The following PDE4C variants were observed in gnomAD, a reference collection of about 807,000 sequenced individuals.
PDE4C encodes the protein 3',5'-cyclic-AMP phosphodiesterase 4C.
A neutral mutation model predicts 63.9 loss-of-function variants in PDE4C; 50 were observed. That is an observed-to-expected ratio of 0.78 (90% CI 0.62 to 0.99). The LOEUF (loss-of-function observed/expected upper bound fraction) is 0.99, where lower values mean the gene tolerates loss of function less well. PDE4C is among the 50% of genes least tolerant of loss of function. PDE4C has a pLI of 0.00. For synonymous variants in PDE4C, 377 were observed against 385.1 expected (o/e 0.98, Z 0.25); for missense variants, 777 against 899.1 (o/e 0.86, Z 1.74).
At chr19:18,243,327 C>T (rs1430159141) in intron 1 of PDE4C, among the ~76,000 whole-genome samples, 2 of 151,960 alleles carry the variant, frequency 1.3e-5, no homozygotes, top group African/African-American at 2.4e-5. Context: ...AGGCTGGTCT[C>T]GAACTCCTGA....
At chr19:18,222,392 G>C (rs1968523832) in intron 1 of PDE4C, 69 bp from the exon 2 acceptor site, 2 of 1,406,940 alleles carry the variant, frequency 1.4e-6, no homozygotes, top group African/African-American at 1.4e-5. Context: ...TGGCCACCTT[G>C]TCTGGTGCGT....
At chr19:18,237,979 A>G (rs1379909530), upstream of PDE4C, among the ~76,000 whole-genome samples, 2 of 152,098 alleles carry the variant, frequency 1.3e-5, no homozygotes, top group African/African-American at 4.8e-5. Flanking sequence ...GCTCATGCCC[A>G]TAATCCCAAC....
chr19:18,219,321 T>G, exon 8 of PDE4C: 2 of 1,614,146 alleles, frequency 1.2e-6, no homozygotes, highest in Non-Finnish European at 1.7e-6. Context: ...AGAGCCCATG[T>G]AGGCCACTGA....
upstream of PDE4C, among the ~76,000 whole-genome samples, chr19:18,238,136 G>A (rs1254224857): frequency 1.3e-5 from 2 of 151,810 alleles, no homozygotes; most frequent in Non-Finnish European, 2.9e-5. Flanking sequence ...GAGGTGGGAG[G>A]ACTGCTTCAG....
upstream of PDE4C, chr19:18,252,219 G>A (rs1969238803): frequency 7.5e-6 from 3 of 399,022 alleles, no homozygotes; most frequent in Non-Finnish European, 1.3e-5. Flanking sequence ...GCCAGAACTA[G>A]GGTGCGTGAT....
intron 12 of PDE4C, 75 bp downstream of exon 12, chr19:18,216,666 C>T: frequency 7.0e-7 from 1 of 1,431,728 alleles, no homozygotes; most frequent in East Asian, 2.4e-5. Flanking sequence ...TATCACCCCA[C>T]CCTGCTGTCT....
the PDE4C span, chr19:18,255,234 T>C: frequency 2.0e-5 from 8 of 398,562 alleles, no homozygotes; most frequent in East Asian, 2.9e-4. This position sits in a 1 kb window ranked among gnomAD's most constrained non-coding sequence, Gnocchi z 4.6. Flanking sequence ...AAAGGGAGTA[T>C]TGTAATTCAC....
exon 10 of PDE4C, chr19:18,218,412 A>G (rs199883433): frequency 7.4e-6 from 12 of 1,614,230 alleles, no homozygotes; most frequent in Middle Eastern, 1.6e-4. Flanking sequence ...GGTAGGCCAC[A>G]TTGGCGTGGT....
intron 1 of PDE4C, among the ~76,000 whole-genome samples, chr19:18,244,166 T>C (rs1969089954): frequency 6.6e-6 from 1 of 152,090 alleles, no homozygotes; most frequent in Non-Finnish European, 1.5e-5. Context: ...CTGCTGCACC[T>C]GGCCCTGCTA....
chr19:18,224,652 G>C (rs1429010898), intron 1 of PDE4C, among the ~76,000 whole-genome samples: 1 of 152,246 alleles, frequency 6.6e-6, no homozygotes, highest in Non-Finnish European at 1.5e-5. Flanking sequence ...GGCCGGGTCG[G>C]GCATGTTCGG....
intron 1 of PDE4C, among the ~76,000 whole-genome samples, chr19:18,223,390 A>C (rs1968576641): frequency 6.6e-6 from 1 of 151,926 alleles, no homozygotes; most frequent in Non-Finnish European, 1.5e-5. Flanking sequence ...TTGTATTTTT[A>C]GTAGAGACGG....
At chr19:18,233,619 C>A (rs917939042) in exon 1 of PDE4C, 1 of 439,636 alleles carries the variant, frequency 2.3e-6, no homozygotes, top group Non-Finnish European at 4.5e-6. Context: ...AGGAGACCCC[C>A]GGGGCCGAGA....
chr19:18,221,362 T>A (rs1298096603), intron 2 of PDE4C, 65 bp from the exon 3 acceptor site: 2 of 1,468,714 alleles, frequency 1.4e-6, no homozygotes, highest in East Asian at 2.5e-5. Flanking sequence ...CCACACCATA[T>A]GCCCTCAACT....
rs949542111 is a variant in PDE4C at position 18,239,883 on chromosome 19, G to A, written c.-209-6483C>T. Among the ~76,000 whole-genome samples the A allele has an allele frequency of 4.6e-5, 7 of 152,004 alleles. No homozygotes were observed. The East Asian group carries it at 5.9e-4, about 13-fold the overall frequency. On this transcript the variant is annotated intron_variant, in intron 1 of 15. Transcript: ENST00000594617. ...TCTACTAAAAATACAAAAATTAGCCGAGCATGGCGCTTTGCACCTGTAATC... is the reference window on the plus strand; with the variant it reads ...TCTACTAAAAATACAAAAATTAGCCAAGCATGGCGCTTTGCACCTGTAATC...
exon 14 of PDE4C, chr19:18,211,856 A>G: frequency 6.2e-7 from 1 of 1,614,246 alleles, no homozygotes; most frequent in Non-Finnish European, 8.5e-7. Flanking sequence ...GAACTCGGCC[A>G]TGATGCGGTC....
upstream of PDE4C, among the ~76,000 whole-genome samples, chr19:18,229,853 C>T (rs1357768389): frequency 1.3e-5 from 2 of 152,122 alleles, no homozygotes; most frequent in Non-Finnish European, 2.9e-5. Context: ...TCTGAATTCA[C>T]ACCTCCCAGA....
exon 2 of PDE4C, chr19:18,222,279 T>G (rs1968518406): frequency 2.1e-5 from 34 of 1,613,102 alleles, no homozygotes; most frequent in Non-Finnish European, 2.9e-5. Flanking sequence ...GGACTGAGGG[T>G]CCAGGGCCCT....
chr19:18,220,889 G>C lies in PDE4C; in HGVS notation c.484C>G (p.Gln162Glu), dbSNP rs764870579. Reference sequence around the variant, plus strand: ...GGTACTTTACCTGCAGGAGGGAGCTGATTGCTGGATGAAGGGTTTCCGACG... The same window carrying C: ...GGTACTTTACCTGCAGGAGGGAGCTCATTGCTGGATGAAGGGTTTCCGACG... Residue 162 changes from glutamine (Q) to glutamate (E), a missense_variant, in exon 5 of 15, where the codon CAG becomes GAG. Physicochemically the swap from Gln to Glu is conservative, Grantham distance 29. Around this residue, in one of 3 missense-constraint regions of PDE4C, gnomAD observed 249 missense variants for 247.8 expected, o/e 1.00. Transcript: ENST00000262805. The surrounding 1 kb of genome is among the most constrained non-coding windows in gnomAD (Gnocchi z 5.1). 2 of 1,608,726 alleles carry C rather than the reference G, an allele frequency of 1.2e-6. No homozygotes were observed. The highest frequency in any genetic ancestry group is 4.5e-5 in the East Asian group (2 of 44,688).
In PDE4C at chr19:18,222,119, G is replaced by A. The variant is rs1414465401; in HGVS notation, c.338+13C>T. ...GGGTAGAGGCGGTGTCATCCCACCA[G>A]CCCCAGACTCACAGGTCGCTGGCCA... On this transcript the variant is annotated intron_variant, in intron 2 of 14. Coordinates refer to ENST00000262805, the Ensembl canonical transcript of PDE4C. The A allele has an allele frequency of 1.9e-6, 3 of 1,601,458 alleles. No individual in the cohort carries two copies. In the African/African-American group the frequency reaches 4.0e-5, roughly 21 times the overall value.
Sources: allele counts gnomAD v4.1 joint callset (sites outside exome capture counted in the v4.1 genomes callset), GRCh38; gene constraint gnomAD v4.1.1; regional missense constraint gnomAD v4.1.1; non-coding constraint Gnocchi (gnomAD v3.1); transcripts MANE v1.5; gene names NCBI Gene and HGNC (gene_info 2026-07-23, HGNC 2026-07-21).